ARID1B: variants seen among roughly 807,000 people sequenced by gnomAD.
The protein encoded by ARID1B is AT-rich interaction domain 1B, also known as AT-rich interactive domain-containing protein 1B.
Under a neutral mutation model 212.3 loss-of-function variants are expected in ARID1B, and 30 were observed. That is an observed-to-expected ratio of 0.14 (90% CI 0.11 to 0.19). The LOEUF (loss-of-function observed/expected upper bound fraction) is 0.19. Among genes scored for constraint, ARID1B ranks in the 10% least tolerant of loss-of-function variants. ARID1B has a pLI of 1.00. For synonymous variants in ARID1B, 1,402 were observed against 1,301.7 expected (o/e 1.08, Z -1.66); for missense variants, 2,891 against 3,204.0 (o/e 0.90, Z 2.36).
At chr6:156,819,425 C>T (rs949122031) in intron 1 of ARID1B, among the ~76,000 whole-genome samples, 1 of 152,194 alleles carries the variant, frequency 6.6e-6, no homozygotes, top group Non-Finnish European at 1.5e-5. Flanking sequence ...TATATATAGC[C>T]TTTGGTTTGT....
chr6:157,084,822 G>C lies in ARID1B; in HGVS notation c.2408G>C (p.Gly803Ala), dbSNP rs367698478. The change falls in exon 5 of 20, where the codon GGG becomes GCG. Residue 803 changes from glycine to alanine, a missense_variant. Around this residue, in one of 7 missense-constraint regions of ARID1B, gnomAD observed 1,643 missense variants for 1,544.0 expected, o/e 1.06. Transcript: ENST00000636930. The part of the protein sequence containing the change: ...HASPHLSSIP[G>A]GPSPSPVGSP... ...TCCCCTCATCTCTCCAGCATCCCGG[G>C]GGGCCCATCTCCCTCTCCTGTTGGC... 8 of 1,614,056 alleles carry C rather than the reference G, an allele frequency of 5.0e-6. No individual in the cohort carries two copies. The highest frequency in any genetic ancestry group is 6.8e-6 in the Non-Finnish European group (8 of 1,179,988).
At chr6:156,962,196 G>C (rs186237931) in intron 4 of ARID1B, among the ~76,000 whole-genome samples, 117 of 152,238 alleles carry the variant, frequency 7.7e-4, no homozygotes, top group African/African-American at 2.7e-3. Context: ...CTACTCGGAA[G>C]GCTGAGGCAG....
chr6:156,947,070 ACAT>A (rs1461741310), intron 4 of ARID1B, among the ~76,000 whole-genome samples: 3 of 152,228 alleles, frequency 2.0e-5, no homozygotes, highest in African/African-American at 7.2e-5. Context: ...ACAACTCCAC[ACAT>A]CATCCCAGAG....
At chr6:156,963,866 A>T (rs1168399086) in intron 4 of ARID1B, among the ~76,000 whole-genome samples, 1 of 152,254 alleles carries the variant, frequency 6.6e-6, no homozygotes, top group Non-Finnish European at 1.5e-5. Flanking sequence ...GACATACAAT[A>T]ATCTCTAGCA....
chr6:156,940,019 G>T (rs907522286), intron 4 of ARID1B: 1 of 152,130 alleles, frequency 6.6e-6, no homozygotes. Context: ...TCCCTCCAGG[G>T]ATCTGAAGAG....
chr6:156,805,724 G>A (rs1014872895), intron 1 of ARID1B, among the ~76,000 whole-genome samples: 1 of 152,028 alleles, frequency 6.6e-6, no homozygotes, highest in African/African-American at 2.4e-5. Flanking sequence ...TAGAGACAGT[G>A]GAGTGCAGTG....
intron 4 of ARID1B, among the ~76,000 whole-genome samples, chr6:157,014,405 ATTCT>A (rs775802542): frequency 1.5e-4 from 23 of 152,324 alleles, no homozygotes; most frequent in Non-Finnish European, 2.9e-4. Context: ...TTCAGTTTCG[ATTCT>A]TTCTAAGAAT....
chr6:157,045,069 T>A (rs950297427), intron 4 of ARID1B, among the ~76,000 whole-genome samples: 5 of 152,204 alleles, frequency 3.3e-5, no homozygotes, highest in Admixed American at 2.6e-4. Flanking sequence ...CAGAAGGAAT[T>A]TGCTGTTCAG....
At chr6:156,798,442 G>C (rs1019488349) in intron 1 of ARID1B, among the ~76,000 whole-genome samples, 1 of 152,248 alleles carries the variant, frequency 6.6e-6, no homozygotes. Context: ...CTAAGGTAAC[G>C]TACAACGAAG....
chr6:157,065,312 C>T (rs867466472), intron 4 of ARID1B, among the ~76,000 whole-genome samples: 1 of 152,116 alleles, frequency 6.6e-6, no homozygotes. Context: ...GCTGAAACTA[C>T]TTTGGCTCTG....
intron 4 of ARID1B, among the ~76,000 whole-genome samples, chr6:157,009,956 C>T (rs140842923): frequency 0.015 from 2,230 of 152,308 alleles, 25 homozygotes; most frequent in Non-Finnish European, 0.024. Context: ...CAGGACTCTA[C>T]AAAAGATTGT....
chr6:156,954,565 G>A (rs1213861481), intron 4 of ARID1B, among the ~76,000 whole-genome samples: 2 of 152,082 alleles, frequency 1.3e-5, no homozygotes, highest in Admixed American at 6.5e-5. Flanking sequence ...CATTTTTAAT[G>A]TCTTGTGATA....
chr6:156,927,711 G>T (rs1791339207), intron 3 of ARID1B, among the ~76,000 whole-genome samples: 1 of 152,138 alleles, frequency 6.6e-6, no homozygotes, highest in Non-Finnish European at 1.5e-5. Context: ...CCCAAGTTTT[G>T]TTCAGTTTTA....
chr6:157,019,110 A>C (rs1277913804), intron 4 of ARID1B, among the ~76,000 whole-genome samples: 5 of 152,228 alleles, frequency 3.3e-5, no homozygotes, highest in Non-Finnish European at 7.3e-5. Flanking sequence ...CGAGGTAAGA[A>C]GTCTAGACCC....
chr6:156,920,230 T>C (rs1165119231), intron 3 of ARID1B, among the ~76,000 whole-genome samples: 1 of 152,218 alleles, frequency 6.6e-6, no homozygotes, highest in African/African-American at 2.4e-5. Context: ...TCCTCTCTGA[T>C]ACCCTGCTCC....
At chr6:157,186,943 A>G (rs932169719) in intron 13 of ARID1B, among the ~76,000 whole-genome samples, 1 of 152,198 alleles carries the variant, frequency 6.6e-6, no homozygotes, top group African/African-American at 2.4e-5. Flanking sequence ...TGGGAGGCAT[A>G]AGCCCCTTGG....
chr6:157,134,446 C>T (rs1012045907), intron 7 of ARID1B, among the ~76,000 whole-genome samples: 1 of 152,208 alleles, frequency 6.6e-6, no homozygotes, highest in African/African-American at 2.4e-5. Context: ...CCCAAGAAAG[C>T]AAACGTCTGT....
intron 3 of ARID1B, among the ~76,000 whole-genome samples, chr6:156,921,807 A>G (rs1184789320): frequency 6.6e-6 from 1 of 152,128 alleles, no homozygotes; most frequent in Non-Finnish European, 1.5e-5. Context: ...AAACAACAGA[A>G]TCTTCTTTAT....
chr6:157,004,897 C>CTTTTTTTTTTTTTTTTTTTTTTTTT (rs1177807875), intron 4 of ARID1B, among the ~76,000 whole-genome samples: 6 of 54,714 alleles, frequency 1.1e-4, no homozygotes, highest in Non-Finnish European at 1.8e-4. Context: ...CTTCTTTTTT[C>CTTTTTTTTTTTTTTTTTTTTTTTTT]TTTTTTTTTT....
Sources: allele counts gnomAD v4.1 joint callset (sites outside exome capture counted in the v4.1 genomes callset), GRCh38; gene constraint gnomAD v4.1.1; regional missense constraint gnomAD v4.1.1; transcripts MANE v1.5; gene names NCBI Gene and HGNC (gene_info 2026-07-23, HGNC 2026-07-21).